The following PPEF1 variants were observed in gnomAD, a reference collection of about 807,000 sequenced individuals.
PPEF1 encodes protein phosphatase with EF-hand domain 1, also known as serine/threonine-protein phosphatase with EF-hands 1.
In PPEF1, 12 loss-of-function variants were observed where a neutral mutation model predicts 53.3. The ratio of observed to expected loss-of-function variants is 0.23; its 90% CI spans 0.14 to 0.36. The LOEUF (loss-of-function observed/expected upper bound fraction) is 0.36, where lower values mean the gene tolerates loss of function less well. PPEF1 is among the 10% of genes least tolerant of loss of function. The pLI is 1.00. For missense variants in PPEF1, 334 were observed against 490.4 expected, an observed-to-expected ratio of 0.68 and a Z score of 3.01; for synonymous variants, 165 against 176.7, an observed-to-expected ratio of 0.93 and a Z score of 0.52.
At chrX:18,798,196 C>T (rs1260043816) in intron 10 of PPEF1, among the ~76,000 whole-genome samples, 1 of 110,609 alleles carries the variant, frequency 9.0e-6, no homozygotes, top group African/African-American at 3.3e-5. Context: ...ATTCTCTCAC[C>T]TCATTTTTTT....
intron 6 of PPEF1, among the ~76,000 whole-genome samples, chrX:18,771,379 G>A (rs2147545534): frequency 9.0e-6 from 1 of 111,193 alleles, no homozygotes; most frequent in South Asian, 3.8e-4. Flanking sequence ...GTGTTAACTA[G>A]GCCTTCTATT....
chrX:18,795,949 T>G (rs369555765), intron 10 of PPEF1, among the ~76,000 whole-genome samples: 29 of 111,828 alleles, frequency 2.6e-4, no homozygotes, highest in African/African-American at 8.1e-4. Flanking sequence ...GTTTTGTTTG[T>G]TTGGTTGGTT....
At chrX:18,784,510 C>T (rs1238080330) in intron 9 of PPEF1, among the ~76,000 whole-genome samples, 2 of 109,876 alleles carry the variant, frequency 1.8e-5, no homozygotes, top group Non-Finnish European at 3.8e-5. Flanking sequence ...TTTCCATCAT[C>T]CCAGACCGAA....
intron 3 of PPEF1, among the ~76,000 whole-genome samples, chrX:18,740,064 C>T (rs190926261): frequency 3.8e-3 from 432 of 112,457 alleles, no homozygotes; most frequent in African/African-American, 0.013. Flanking sequence ...AAGGGAATTC[C>T]CCGACCCCTT....
At chrX:18,793,224 C>T (rs993200676) in intron 10 of PPEF1, among the ~76,000 whole-genome samples, 7 of 109,479 alleles carry the variant, frequency 6.4e-5, no homozygotes, top group African/African-American at 1.3e-4. Context: ...ACAATTGCTG[C>T]TGCCTTAAAA....
rs371152024 is a variant in PPEF1, at chrX:18,782,354, A to T, written c.726-12A>T. On this transcript the variant is annotated splice_polypyrimidine_tract_variant and intron_variant, in intron 7 of 15. Transcript: ENST00000470157. ...TCAACAATCAAATCATTTAAATCCC[A>T]TTTTTTTTTAGGTATGGCTTCACGA... 15 of 1,124,694 alleles carry T rather than the reference A, an allele frequency of 1.3e-5. No individual in the cohort carries two copies. The Middle Eastern group carries it at 1.5e-3, about 109-fold the overall frequency. The allele number at this position is 1,124,694 out of a possible 1,213,427, so 92.7% of individuals were successfully genotyped here.
At chrX:18,702,285 T>C (rs754646520) in intron 6 of PPEF1, among the ~76,000 whole-genome samples, 2 of 110,424 alleles carry the variant, frequency 1.8e-5, no homozygotes, top group Non-Finnish European at 3.8e-5. Flanking sequence ...CCTGCCTGCT[T>C]CACTCCCACT....
chrX:18,801,568 C>T (rs749391673), intron 10 of PPEF1, among the ~76,000 whole-genome samples: 10 of 111,848 alleles, frequency 8.9e-5, no homozygotes, highest in Non-Finnish European at 1.7e-4. Context: ...GTCAACTGGT[C>T]CAAATGCCTG....
At chrX:18,810,333 GCACA>G (rs372609345) in intron 12 of PPEF1, among the ~76,000 whole-genome samples, 2 of 102,201 alleles carry the variant, frequency 2.0e-5, no homozygotes, top group Non-Finnish European at 3.9e-5. Context: ...CTCTCTCTGC[GCACA>G]CACACACACA....
chrX:18,696,140 A>C lies in PPEF1; in HGVS notation c.-312-1705A>C, dbSNP rs1342082308. ...TCTTCACAAGGGAGCAGGATCTTTA[A>C]ATTAGAGTCCTTCGATTTTTTTTTT... On this transcript the variant is annotated intron_variant, in intron 4 of 21. Coordinates refer to the PPEF1 transcript ENST00000361511. 2.7e-5 allele frequency among the ~76,000 whole-genome samples: 3 copies of C among 110,800 alleles called. No homozygotes were observed. In the Admixed American group the frequency reaches 2.9e-4, roughly 11 times the overall value.
At chrX:18,711,018 ATG>A (rs1460795492) in intron 1 of PPEF1, among the ~76,000 whole-genome samples, 1 of 106,293 alleles carries the variant, frequency 9.4e-6, no homozygotes, top group Non-Finnish European at 1.9e-5. Context: ...GTGTGTGTGT[ATG>A]TGTGTGTATA....
chrX:18,760,266 C>T (rs1360203685), intron 5 of PPEF1, among the ~76,000 whole-genome samples: 1 of 111,530 alleles, frequency 9.0e-6, no homozygotes, highest in Non-Finnish European at 1.9e-5. Flanking sequence ...AGATTACAGG[C>T]ATGAGCCACC....
At chrX:18,757,556 TAC>T in intron 4 of PPEF1, 69 bp from the exon 5 acceptor site, 1 of 814,423 alleles carries the variant, frequency 1.2e-6, no homozygotes, top group Non-Finnish European at 1.8e-6. Flanking sequence ...GCTCCACCTT[TAC>T]AGTTTTCTAT....
At chrX:18,707,965 T>C (rs2044238095) in intron 1 of PPEF1, 139 bp downstream of exon 1, 1 of 476,675 alleles carries the variant, frequency 2.1e-6, no homozygotes, top group East Asian at 3.7e-5. Flanking sequence ...TAGAGTAGCA[T>C]AGGAAACTAC....
intron 9 of PPEF1, among the ~76,000 whole-genome samples, chrX:18,787,212 T>C (rs2046223249): frequency 9.0e-6 from 1 of 111,034 alleles, no homozygotes; most frequent in African/African-American, 3.3e-5. Flanking sequence ...TCCCATCCCA[T>C]AGGACCCTCC....
At chrX:18,812,888 C>T (rs912951570) in intron 12 of PPEF1, among the ~76,000 whole-genome samples, 32 of 110,012 alleles carry the variant, frequency 2.9e-4, no homozygotes, top group Non-Finnish European at 5.7e-5. Flanking sequence ...TTAGCTTGCA[C>T]CACCACACCC....
At chrX:18,816,401 T>C (rs2046916401) in intron 12 of PPEF1, among the ~76,000 whole-genome samples, 1 of 112,190 alleles carries the variant, frequency 8.9e-6, no homozygotes, top group African/African-American at 3.2e-5. Flanking sequence ...AAAGTAAAGA[T>C]ACTTTGATCT....
At chrX:18,740,968 G>A (rs1441275119) in intron 3 of PPEF1, among the ~76,000 whole-genome samples, 1 of 102,219 alleles carries the variant, frequency 9.8e-6, no homozygotes, top group Admixed American at 1.1e-4. Context: ...TGGCATCTAG[G>A]AGCATCTTTT....
intron 1 of PPEF1, among the ~76,000 whole-genome samples, chrX:18,722,510 C>T (rs1329941571): frequency 8.9e-6 from 1 of 112,159 alleles, no homozygotes; most frequent in Non-Finnish European, 1.9e-5. Context: ...AACTATCTGT[C>T]AAATAAACTC....
Sources: allele counts gnomAD v4.1 joint callset (sites outside exome capture counted in the v4.1 genomes callset), GRCh38; gene constraint gnomAD v4.1.1; transcripts MANE v1.5; gene names NCBI Gene and HGNC (gene_info 2026-07-23, HGNC 2026-07-21).